Variants in TMEM116 observed in about 807,000 individuals in gnomAD.
TMEM116 encodes transmembrane protein 116.
Under a neutral mutation model 44.3 loss-of-function variants are expected in TMEM116, and 38 were observed. The observed-to-expected ratio is 0.86, with a 90% CI of 0.66 to 1.12. TMEM116 has a LOEUF of 1.12. Ranked by LOEUF, TMEM116 falls within the 50% of genes most tolerant of loss-of-function variation. The pLI, the probability that TMEM116 is intolerant of heterozygous loss-of-function variation, is 0.00. For missense variants in TMEM116, 354 were observed against 401.7 expected (o/e 0.88, Z 1.01); for synonymous variants, 132 against 144.8 (o/e 0.91, Z 0.64).
At chr12:111,957,359 CCTGT>C (rs1476045288) in intron 4 of TMEM116, among the ~76,000 whole-genome samples, 1 of 151,354 alleles carries the variant, frequency 6.6e-6, no homozygotes, top group Non-Finnish European at 1.5e-5. Context: ...GACTGGCCGC[CCTGT>C]CTGAGAAGTG....
At chr12:111,932,548 G>A (rs760121346) in intron 10 of TMEM116, 38 bp downstream of exon 10, 1 of 1,532,870 alleles carries the variant, frequency 6.5e-7, no homozygotes, top group Non-Finnish European at 9.0e-7. Flanking sequence ...AGGATAAGCG[G>A]GTGTAAGAAC....
chr12:111,941,565 G>A (rs1277309177), intron 5 of TMEM116, among the ~76,000 whole-genome samples: 1 of 152,022 alleles, frequency 6.6e-6, no homozygotes, highest in Non-Finnish European at 1.5e-5. Context: ...TAAGTTTTCG[G>A]TATCCACATA....
intron 4 of TMEM116, among the ~76,000 whole-genome samples, chr12:111,965,133 G>A (rs1432016641): frequency 6.6e-6 from 1 of 152,102 alleles, no homozygotes; most frequent in African/African-American, 2.4e-5. Context: ...CAAAAGTCTA[G>A]GACCTCTTCA....
At chr12:111,960,065 T>C (rs1019013886) in intron 4 of TMEM116, among the ~76,000 whole-genome samples, 3 of 152,142 alleles carry the variant, frequency 2.0e-5, no homozygotes, top group Admixed American at 6.6e-5. Flanking sequence ...CAGCACCACA[T>C]TGCATTTATT....
At chr12:112,000,893 A>G in intron 3 of TMEM116, 1 of 422,340 alleles carries the variant, frequency 2.4e-6, no homozygotes, top group Admixed American at 2.8e-5. Flanking sequence ...TTCTCCAGCC[A>G]ATGTTCTTGA....
chr12:111,949,576 A>G (rs1230478166), intron 4 of TMEM116, among the ~76,000 whole-genome samples: 2 of 152,220 alleles, frequency 1.3e-5, no homozygotes, highest in Non-Finnish European at 2.9e-5. Context: ...ACTATTTTAC[A>G]AACAATTTAG....
At chr12:111,972,096 A>AAAC (rs3030020) in intron 4 of TMEM116, among the ~76,000 whole-genome samples, 1 of 147,860 alleles carries the variant, frequency 6.8e-6, no homozygotes, top group South Asian at 2.1e-4. Context: ...AAAAAAAAAA[A>AAAC]CCCACCAAAA....
intron 4 of TMEM116, among the ~76,000 whole-genome samples, chr12:111,951,487 T>TA (rs1454646605): frequency 6.6e-6 from 1 of 152,170 alleles, no homozygotes; most frequent in African/African-American, 2.4e-5. Context: ...CATACAGTCA[T>TA]AAAAAAGGAC....
chr12:111,978,101 T>TA lies in TMEM116; in HGVS notation c.210+13656dup, dbSNP rs761114406. On this transcript the variant is annotated intron_variant, in intron 4 of 10. Transcript: ENST00000552374. ...AAACATAGTGACTGTTAGAGTAGAT[T>TA]AAAAAAAAAAAAAAGGCCCAGCTAG... 8.8e-3 allele frequency among the ~76,000 whole-genome samples: 1,220 copies of TA among 138,338 alleles called. 24 individuals carry two copies. The highest frequency in any genetic ancestry group is 0.028 in the African/African-American group (1,076 of 37,886). 90.8% of individuals were successfully genotyped at this position (138,338 alleles called of 152,430 possible).
intron 4 of TMEM116, chr12:111,965,526 GCAATTACAA>G (rs1366225665): frequency 6.0e-6 from 1 of 166,218 alleles, no homozygotes; most frequent in Non-Finnish European, 1.3e-5. Flanking sequence ...AACAAAATAA[GCAATTACAA>G]CATCTAATTC....
intron 4 of TMEM116, among the ~76,000 whole-genome samples, chr12:111,989,320 C>T (rs556571825): frequency 6.6e-4 from 101 of 152,272 alleles, no homozygotes; most frequent in African/African-American, 2.4e-3. Flanking sequence ...CAGAAAAGGG[C>T]CCCCTTTAGG....
At chr12:111,988,987 G>C (rs921227175) in intron 4 of TMEM116, among the ~76,000 whole-genome samples, 1 of 151,952 alleles carries the variant, frequency 6.6e-6, no homozygotes, top group African/African-American at 2.4e-5. Context: ...GTGAGACTCT[G>C]TCTCAAAAAC....
At chr12:111,964,790 T>C (rs1164589090) in intron 4 of TMEM116, among the ~76,000 whole-genome samples, 1 of 152,148 alleles carries the variant, frequency 6.6e-6, no homozygotes. Flanking sequence ...TAGGTGCAAG[T>C]GATCCTCTCA....
intron 4 of TMEM116, among the ~76,000 whole-genome samples, chr12:111,968,760 A>G (rs1255077835): frequency 6.6e-6 from 1 of 152,078 alleles, no homozygotes; most frequent in African/African-American, 2.4e-5. Context: ...TGGGAGGCTG[A>G]GGCAGGTGGA....
chr12:111,972,450 G>C (rs113454548), intron 4 of TMEM116, among the ~76,000 whole-genome samples: 16 of 152,274 alleles, frequency 1.1e-4, no homozygotes, highest in African/African-American at 3.4e-4. Context: ...CAAAGATTTA[G>C]TAAACTTAAA....
intron 4 of TMEM116, among the ~76,000 whole-genome samples, chr12:111,948,309 G>A (rs2073439557): frequency 6.6e-6 from 1 of 152,204 alleles, no homozygotes; most frequent in Admixed American, 6.5e-5. Flanking sequence ...AGAGTAAGGT[G>A]AGATGAGAAG....
intron 4 of TMEM116, among the ~76,000 whole-genome samples, chr12:111,970,196 T>C (rs1053833367): frequency 6.6e-6 from 1 of 151,086 alleles, no homozygotes; most frequent in African/African-American, 2.4e-5. Context: ...TAAGAATCAC[T>C]TGAACCTGGG....
intron 3 of TMEM116, among the ~76,000 whole-genome samples, chr12:111,999,464 C>T (rs540793064): frequency 2.6e-5 from 4 of 151,954 alleles, no homozygotes; most frequent in South Asian, 2.1e-4. Flanking sequence ...GGCATGCTGG[C>T]GCATGCCTGT....
At chr12:111,948,659 T>C (rs2073465488) in intron 4 of TMEM116, among the ~76,000 whole-genome samples, 1 of 152,204 alleles carries the variant, frequency 6.6e-6, no homozygotes, top group Admixed American at 6.5e-5. Flanking sequence ...GATTTACTAG[T>C]AGGTAAACTA....
Sources: gnomAD v4.1 joint callset for allele counts (sites outside exome capture counted in the v4.1 genomes callset) on GRCh38, gnomAD v4.1.1 for gene constraint, MANE v1.5 for transcripts, NCBI Gene and HGNC (gene_info 2026-07-23, HGNC 2026-07-21) for gene names.